Variants in ST7 observed in about 807,000 individuals in gnomAD.
ST7 encodes the protein suppression of tumorigenicity 7.
Under a neutral mutation model 78.7 loss-of-function variants are expected in ST7, and 28 were observed. The observed-to-expected ratio is 0.36, with a 90% CI of 0.26 to 0.49. The LOEUF (loss-of-function observed/expected upper bound fraction) is 0.49, where lower values mean the gene tolerates loss of function less well. Among genes scored for constraint, ST7 ranks in the 20% least tolerant of loss-of-function variants. The probability of loss-of-function intolerance (pLI) is 0.99; values close to 1 mark genes in which losing one functional copy is unlikely to be tolerated. For missense variants in ST7, 418 were observed against 696.0 expected (o/e 0.60, Z 4.49); for synonymous variants, 247 against 249.6 (o/e 0.99, Z 0.10).
intron 1 of ST7, among the ~76,000 whole-genome samples, chr7:117,024,350 T>C (rs925679088): frequency 2.0e-5 from 3 of 152,182 alleles, no homozygotes; most frequent in African/African-American, 7.2e-5. Flanking sequence ...TTAAGTATGA[T>C]GAATTATTTA....
chr7:117,160,560 C>G (rs1807057650), intron 9 of ST7, among the ~76,000 whole-genome samples: 2 of 151,894 alleles, frequency 1.3e-5, no homozygotes, highest in Admixed American at 1.3e-4. Flanking sequence ...CTCTCTGTCT[C>G]CCATCCATCC....
At chr7:116,990,180 C>T (rs1327903104) in intron 1 of ST7, among the ~76,000 whole-genome samples, 1 of 152,184 alleles carries the variant, frequency 6.6e-6, no homozygotes, top group Non-Finnish European at 1.5e-5. Context: ...TTGTGATCCA[C>T]CTGCCTTGGC....
At chr7:117,136,490 C>A in intron 8 of ST7, 1 of 582,030 alleles carries the variant, frequency 1.7e-6, no homozygotes, top group South Asian at 2.2e-5. Context: ...ATGGCAGTAA[C>A]CTTTAATAGT....
At chr7:117,182,450 T>G (rs971614649) in intron 10 of ST7, among the ~76,000 whole-genome samples, 4 of 152,248 alleles carry the variant, frequency 2.6e-5, no homozygotes, top group African/African-American at 9.6e-5. Context: ...TATTAAGATT[T>G]AATGGCTCAG....
At chr7:117,214,742 A>G (rs1792555071) in intron 13 of ST7, among the ~76,000 whole-genome samples, 1 of 151,924 alleles carries the variant, frequency 6.6e-6, no homozygotes, top group Non-Finnish European at 1.5e-5. Context: ...TGGCTATCAT[A>G]TGGGTCCACC....
chr7:117,020,458 C>G, intron 1 of ST7: 1 of 860,656 alleles, frequency 1.2e-6, no homozygotes, highest in Admixed American at 2.9e-5. Context: ...CAGCTGGACA[C>G]AGCTTGGACT....
chr7:117,190,805 T>C lies in ST7; in HGVS notation c.1152-29T>C, dbSNP rs1356503006. On this transcript the variant is annotated intron_variant, in intron 11 of 15. Coordinates refer to ENST00000323984, the MANE Select transcript of ST7 (RefSeq NM_001369598.1). The surrounding 1 kb of genome is among the most constrained non-coding windows in gnomAD (Gnocchi z 5.2). ...TTGATGCCCAAGCAGTGGTCCCACCTGGATGGTTTTTGTCTTTCTGCTTTT... is the reference window on the plus strand; with the variant it reads ...TTGATGCCCAAGCAGTGGTCCCACCCGGATGGTTTTTGTCTTTCTGCTTTT... 1.3e-6 allele frequency: 2 copies of C among 1,598,214 alleles called. No individual in the cohort carries two copies. Among genetic ancestry groups the C allele is most frequent in the Non-Finnish European group, 1.7e-6 (2 of 1,166,226 alleles).
In ST7 at chr7:116,988,575, G is replaced by A. The variant is rs529778881; in HGVS notation, c.151+34884G>A. ...TTTTAATAATATTATGATCACTAGA[G>A]GGCACTCTTTAAAAGATAAAGCAGA... On this transcript the variant is annotated intron_variant, in intron 1 of 15. Transcript: ENST00000323984. 9.9e-5 allele frequency among the ~76,000 whole-genome samples: 15 copies of A among 152,108 alleles called. No individual in the cohort carries two copies. In the South Asian group the frequency reaches 3.1e-3, roughly 32 times the overall value.
At chr7:117,186,993 A>G (rs547570478) in intron 10 of ST7, among the ~76,000 whole-genome samples, 22 of 152,364 alleles carry the variant, frequency 1.4e-4, no homozygotes, top group Non-Finnish European at 2.8e-4. Context: ...TGCTCTGCAG[A>G]AAAATATGCA....
chr7:117,189,185 G>T (rs1809551961), intron 10 of ST7, 136 bp from the exon 11 acceptor site: 3 of 516,796 alleles, frequency 5.8e-6, no homozygotes, highest in Non-Finnish European at 3.3e-6. Flanking sequence ...TGAAATTCTT[G>T]TGTAATGTCT....
At chr7:116,980,987 T>C (rs1036829060) in intron 1 of ST7, among the ~76,000 whole-genome samples, 2 of 152,206 alleles carry the variant, frequency 1.3e-5, no homozygotes, top group African/African-American at 4.8e-5. Context: ...CTCTCCAGAC[T>C]CCTTTTTTTC....
At chr7:116,990,466 A>G (rs920173872) in intron 1 of ST7, among the ~76,000 whole-genome samples, 1 of 152,124 alleles carries the variant, frequency 6.6e-6, no homozygotes, top group African/African-American at 2.4e-5. Context: ...CACAGGGGAA[A>G]CAACATTTTA....
chr7:117,041,580 A>C (rs935488016), intron 1 of ST7, among the ~76,000 whole-genome samples: 4 of 152,184 alleles, frequency 2.6e-5, no homozygotes, highest in Admixed American at 6.5e-5. Flanking sequence ...CATCTATCTT[A>C]TATATCTATA....
chr7:117,188,248 A>G (rs1277443616), intron 10 of ST7, among the ~76,000 whole-genome samples: 2 of 152,042 alleles, frequency 1.3e-5, no homozygotes, highest in African/African-American at 2.4e-5. Flanking sequence ...TGGGACTTCT[A>G]TTTTTCATTT....
intron 1 of ST7, among the ~76,000 whole-genome samples, chr7:116,994,984 T>C (rs999842179): frequency 6.6e-6 from 1 of 152,164 alleles, no homozygotes; most frequent in Non-Finnish European, 1.5e-5. Context: ...TGCATGCCTC[T>C]GTATTCTGGT....
At position 116,996,104 on chromosome 7, in the gene ST7, C is replaced by T. The variant is rs1345104411; in HGVS notation, c.151+42413C>T. On this transcript the variant is annotated intron_variant, in intron 1 of 15. Transcript: ENST00000323984. The stretch of plus-strand genomic sequence containing the variant: ...CCCGTTTTTTTTTTTTTTTTTGAGA[C>T]GGAGTCTTGCTCTGTCGTCCAGGTT... 1.3e-4 allele frequency among the ~76,000 whole-genome samples: 16 copies of T among 123,160 alleles called. No individual in the cohort carries two copies. The South Asian group carries it at 2.6e-3, about 20-fold the overall frequency. The allele number at this position is 123,160 out of a possible 152,430, so 80.8% of individuals were successfully genotyped here. A position where few individuals can be genotyped will look rare whatever the true frequency, so the allele number is the denominator to read the frequency against.
chr7:117,134,954 A>G (rs1379597707), intron 7 of ST7, among the ~76,000 whole-genome samples: 1 of 152,054 alleles, frequency 6.6e-6, no homozygotes, highest in African/African-American at 2.4e-5. Flanking sequence ...CAGCCCTTAC[A>G]TTAGCTGTGA....
chr7:116,997,129 T>A (rs1794697420), intron 1 of ST7, among the ~76,000 whole-genome samples: 1 of 152,194 alleles, frequency 6.6e-6, no homozygotes, highest in African/African-American at 2.4e-5. Flanking sequence ...GTTCATGGTC[T>A]CGCTGGCTCA....
chr7:117,110,974 C>T (rs1802384710), intron 2 of ST7, among the ~76,000 whole-genome samples: 4 of 152,182 alleles, frequency 2.6e-5, no homozygotes, highest in Non-Finnish European at 4.4e-5. Context: ...AAAGGAAAAC[C>T]TCTCCTGTAG....
Sources: allele counts gnomAD v4.1 joint callset (sites outside exome capture counted in the v4.1 genomes callset), GRCh38; gene constraint gnomAD v4.1.1; non-coding constraint Gnocchi (gnomAD v3.1); transcripts MANE v1.5; gene names NCBI Gene and HGNC (gene_info 2026-07-23, HGNC 2026-07-21).